CFAP141: variants seen among roughly 807,000 people sequenced by gnomAD.
The protein encoded by CFAP141 is cilia and flagella associated protein 141, also known as cilia- and flagella-associated protein 141.
At chr1:154,200,716 CTT>C in the CFAP141 span, 4 of 1,095,114 alleles carry the variant, frequency 3.7e-6, no homozygotes, top group African/African-American at 4.7e-5. Flanking sequence ...GAGTTTCACT[CTT>C]GTTGCCCAGG....
the CFAP141 span, among the ~76,000 whole-genome samples, chr1:154,205,217 A>G: frequency 5.6e-4 from 86 of 152,236 alleles, no homozygotes; most frequent in Middle Eastern, 0.02. Flanking sequence ...TCAGGGTGAA[A>G]AGGATACGTA....
At chr1:154,206,286 T>C in the CFAP141 span, 4 of 1,614,148 alleles carry the variant, frequency 2.5e-6, no homozygotes, top group Admixed American at 5.0e-5. Flanking sequence ...TCTTCTACTT[T>C]TGTCATCTTT....
chr1:154,200,446 T>G, the CFAP141 span: 1 of 1,613,960 alleles, frequency 6.2e-7, no homozygotes, highest in South Asian at 1.1e-5. Flanking sequence ...CAGGTTGCCC[T>G]GCTAGAACTC....
At chr1:154,205,605 C>CAAGCAGATTA in the CFAP141 span, 1 of 1,613,986 alleles carries the variant, frequency 6.2e-7, no homozygotes. Context: ...TACCTGTCGA[C>CAAGCAGATTA]CGTCTTCTTA....
At chr1:154,199,310 C>T in the CFAP141 span, 1 of 671,884 alleles carries the variant, frequency 1.5e-6, no homozygotes, top group African/African-American at 1.8e-5. Flanking sequence ...TGTCTTAAGT[C>T]CCTGACAGAT....
chr1:154,205,642 C>T, the CFAP141 span: 2 of 1,613,596 alleles, frequency 1.2e-6, 1 homozygote, highest in Non-Finnish European at 1.7e-6. Context: ...GAAAACTCTG[C>T]AAGAAAAGGT....
chr1:154,200,467 G>A, the CFAP141 span: 2 of 1,614,210 alleles, frequency 1.2e-6, no homozygotes, highest in Non-Finnish European at 1.7e-6. Flanking sequence ...ACCATTAGTA[G>A]TTGCTTTTTG....
chr1:154,200,533 T>C, the CFAP141 span: 1 of 1,614,192 alleles, frequency 6.2e-7, no homozygotes, highest in Middle Eastern at 1.7e-4. Context: ...GCATACGGGT[T>C]TCTTCTCTGG....
At chr1:154,200,963 T>C in the CFAP141 span, among the ~76,000 whole-genome samples, 1 of 152,126 alleles carries the variant, frequency 6.6e-6, no homozygotes, top group African/African-American at 2.4e-5. Flanking sequence ...GGATTATAGG[T>C]GTGAGCCACC....
chr1:154,201,076 A>G, the CFAP141 span, among the ~76,000 whole-genome samples: 1 of 152,192 alleles, frequency 6.6e-6, no homozygotes, highest in Non-Finnish European at 1.5e-5. Context: ...TGTATTAAGT[A>G]CATAATATCA....
At chr1:154,205,639 C>G in the CFAP141 span, 94 of 1,613,864 alleles carry the variant, frequency 5.8e-5, no homozygotes, top group Non-Finnish European at 4.3e-5. Flanking sequence ...TTTGAAAACT[C>G]TGCAAGAAAA....
the CFAP141 span, among the ~76,000 whole-genome samples, chr1:154,203,417 G>A: frequency 3.4e-5 from 5 of 149,084 alleles, no homozygotes; most frequent in East Asian, 2.0e-4. Flanking sequence ...GTGCCACCAC[G>A]CCCAGGTAAC....
chr1:154,199,513 G>A, the CFAP141 span: 4 of 1,611,354 alleles, frequency 2.5e-6, no homozygotes, highest in Admixed American at 6.7e-5. Context: ...AGCTGGTGCA[G>A]GGCAGCTTGA....
the CFAP141 span, among the ~76,000 whole-genome samples, chr1:154,203,172 AATATATATATATATATATATATATATAT>A: frequency 0.12 from 3,407 of 29,502 alleles, 424 homozygotes; most frequent in African/African-American, 0.22. Flanking sequence ...TGACTGGGCA[AATATATATATATATATATATATATATAT>A]ATATATATAT....
At chr1:154,200,532 T>C in the CFAP141 span, 1 of 1,614,196 alleles carries the variant, frequency 6.2e-7, no homozygotes, top group Middle Eastern at 1.7e-4. Flanking sequence ...GGCATACGGG[T>C]TTCTTCTCTG....
the CFAP141 span, among the ~76,000 whole-genome samples, chr1:154,200,904 G>A: frequency 1.3e-5 from 2 of 151,986 alleles, no homozygotes; most frequent in African/African-American, 2.4e-5. Flanking sequence ...GGCTGGTCTC[G>A]AACTCCTGAC....
the CFAP141 span, chr1:154,206,210 T>TA: frequency 6.9e-7 from 1 of 1,452,880 alleles, no homozygotes; most frequent in Admixed American, 1.7e-5. Flanking sequence ...AAGATGCACT[T>TA]ATAGTAAATT....
chr1:154,200,597 G>C, the CFAP141 span: 1 of 1,613,840 alleles, frequency 6.2e-7, no homozygotes, highest in South Asian at 1.1e-5. Context: ...ACCTGCTCCA[G>C]GTACAGAGGT....
the CFAP141 span, among the ~76,000 whole-genome samples, chr1:154,204,500 C>G: frequency 6.6e-6 from 1 of 151,938 alleles, no homozygotes; most frequent in South Asian, 2.1e-4. Context: ...AGGCTGGTCT[C>G]GAACTCCTGA....
Sources: allele counts gnomAD v4.1 joint callset (sites outside exome capture counted in the v4.1 genomes callset), GRCh38; gene constraint gnomAD v4.1.1; transcripts MANE v1.5; gene names NCBI Gene and HGNC (gene_info 2026-07-23, HGNC 2026-07-21).